The following CAPRIN1 variants were observed in gnomAD, a reference collection of about 807,000 sequenced individuals.
CAPRIN1 encodes cell cycle associated protein 1, also known as caprin-1.
CAPRIN1 carries 29 observed loss-of-function variants against 100.9 expected under a neutral mutation model. That is an observed-to-expected ratio of 0.29 (90% CI 0.21 to 0.39). CAPRIN1 has a LOEUF of 0.39. CAPRIN1 is among the 10% of genes least tolerant of loss of function. The pLI is 1.00. For synonymous variants in CAPRIN1, 338 were observed against 307.5 expected, an observed-to-expected ratio of 1.10 and a Z score of -1.04; for missense variants, 795 against 876.7, an observed-to-expected ratio of 0.91 and a Z score of 1.18.
chr11:34,089,460 A>G lies in CAPRIN1; in HGVS notation c.1293+4A>G. 6.3e-7 allele frequency: 1 copy of G among 1,579,456 alleles called. No homozygotes were observed. The highest frequency in any genetic ancestry group is 8.7e-7 in the Non-Finnish European group (1 of 1,151,414). On this transcript the variant is annotated splice_donor_region_variant and intron_variant, in intron 12 of 18. Coordinates refer to ENST00000341394, the MANE Select transcript of CAPRIN1 (RefSeq NM_005898.5). ...TGTACAACCAGAAGCGACACAGGTA[A>G]GAGTGATAAAACTATTTTCTTCAGG...
chr11:34,052,810 A>G (rs1429739738), intron 2 of CAPRIN1, 174 bp downstream of exon 2: 5 of 1,451,250 alleles, frequency 3.4e-6, no homozygotes, highest in Non-Finnish European at 3.6e-6. Flanking sequence ...CTTCGTGCCC[A>G]GAAAACGGGC....
chr11:34,060,120 T>A (rs1372429443), intron 2 of CAPRIN1, among the ~76,000 whole-genome samples: 3 of 138,658 alleles, frequency 2.2e-5, no homozygotes, highest in Non-Finnish European at 4.5e-5. Context: ...TGCTTGAACC[T>A]GGGAGGCAGA....
chr11:34,064,647 A>G (rs940628256), intron 2 of CAPRIN1, among the ~76,000 whole-genome samples: 6 of 152,216 alleles, frequency 3.9e-5, no homozygotes, highest in Non-Finnish European at 5.9e-5. Flanking sequence ...TATAGTGTAC[A>G]TTTTGGTATT....
intron 15 of CAPRIN1, among the ~76,000 whole-genome samples, chr11:34,093,732 G>A (rs939990749): frequency 2.0e-5 from 3 of 151,874 alleles, no homozygotes; most frequent in Non-Finnish European, 4.4e-5. Flanking sequence ...CTGCTTCTGG[G>A]TTCAAGGGAT....
At position 34,089,424 on chromosome 11, in the gene CAPRIN1, A is replaced by C. The variant is rs1285651678; in HGVS notation, c.1261A>C (p.Asn421His). The stretch of plus-strand genomic sequence containing the variant: ...TTCTGAATCTAGACTTGCTCAGCCT[A>C]ATCAAGTTCCTGTACAACCAGAAGC... Reference protein sequence around the residue: ...VHSESRLAQPNQVPVQPEATQ... With the variant: ...VHSESRLAQPHQVPVQPEATQ... The change falls in exon 12 of 19, where the codon AAT becomes CAT. Residue 421 changes from asparagine (N) to histidine (H), a missense_variant. By Grantham distance (68) the Asn-to-His change is moderately conservative (BLOSUM62 1). Coordinates refer to ENST00000341394, the MANE Select transcript of CAPRIN1 (RefSeq NM_005898.5). 2 of 1,608,970 alleles carry C rather than the reference A, an allele frequency of 1.2e-6. No homozygotes were observed. Among genetic ancestry groups the C allele is most frequent in the Middle Eastern group, 1.6e-4 (1 of 6,062 alleles).
intron 16 of CAPRIN1, 141 bp downstream of exon 16, chr11:34,096,814 G>T (rs924464080): frequency 1.6e-6 from 1 of 615,478 alleles, no homozygotes; most frequent in Non-Finnish European, 2.7e-6. Context: ...GTATATTTTG[G>T]TACAATTTGT....
At chr11:34,072,050 T>C in intron 4 of CAPRIN1, 63 bp downstream of exon 4, 1 of 1,061,998 alleles carries the variant, frequency 9.4e-7, no homozygotes, top group Non-Finnish European at 1.4e-6. Context: ...GTTTTAGTCC[T>C]TCCATTACTA....
intron 2 of CAPRIN1, among the ~76,000 whole-genome samples, chr11:34,064,327 C>A (rs1250959645): frequency 6.6e-6 from 1 of 152,178 alleles, no homozygotes; most frequent in Non-Finnish European, 1.5e-5. Flanking sequence ...TTAGTTCATG[C>A]TGTAAATTTT....
In CAPRIN1 at chr11:34,087,434, C is replaced by T. The variant is rs1451087953; in HGVS notation, c.1231+1021C>T. 4.1e-5 allele frequency among the ~76,000 whole-genome samples: 5 copies of T among 121,838 alleles called. 1 individual carries two copies. Among genetic ancestry groups the T allele is most frequent in the African/African-American group, 1.0e-4 (3 of 29,938 alleles). 79.9% of individuals were successfully genotyped at this position (121,838 alleles called of 152,430 possible). A position where few individuals can be genotyped will look rare whatever the true frequency, so the allele number is the denominator to read the frequency against. The stretch of plus-strand genomic sequence containing the variant: ...CTGCAAGCTCCGCCTCCCGGGTTCA[C>T]GCCATTCTCCTGCCTCAGCCTCCCA... On this transcript the variant is annotated intron_variant, in intron 11 of 18. Coordinates refer to ENST00000341394, the MANE Select transcript of CAPRIN1 (RefSeq NM_005898.5).
At chr11:34,064,764 C>T (rs1254572634) in intron 2 of CAPRIN1, among the ~76,000 whole-genome samples, 2 of 152,088 alleles carry the variant, frequency 1.3e-5, no homozygotes, top group Non-Finnish European at 2.9e-5. Context: ...TCTCACCTCT[C>T]CTTCTCAAAG....
At chr11:34,080,218 C>T (rs11032509) in intron 7 of CAPRIN1, among the ~76,000 whole-genome samples, 11,443 of 152,240 alleles carry the variant, frequency 0.075, 761 homozygotes, top group East Asian at 0.25. Context: ...CCACTGCGCC[C>T]GGCCTTGACA....
chr11:34,098,897 A>G, intron 18 of CAPRIN1: 1 of 1,002,700 alleles, frequency 1.0e-6, no homozygotes, highest in Non-Finnish European at 1.2e-6. Flanking sequence ...TTTTGATAGT[A>G]TGATGTTACT....
chr11:34,072,538 G>A (rs1008371212), intron 4 of CAPRIN1, among the ~76,000 whole-genome samples: 1 of 152,044 alleles, frequency 6.6e-6, no homozygotes, highest in Non-Finnish European at 1.5e-5. Flanking sequence ...AAAATAAAGA[G>A]GCTCGTTTAT....
intron 1 of CAPRIN1, 39 bp from the exon 2 acceptor site, chr11:34,052,382 T>C (rs1345885818): frequency 6.5e-7 from 1 of 1,548,506 alleles, no homozygotes; most frequent in Non-Finnish European, 8.9e-7. Flanking sequence ...GCTCTTGTCC[T>C]TCCTCCCGCT....
At chr11:34,053,543 G>A (rs531366764) in intron 2 of CAPRIN1, 2 of 152,074 alleles carry the variant, frequency 1.3e-5, no homozygotes, top group Non-Finnish European at 1.5e-5. Flanking sequence ...GAAAGCAGAG[G>A]GGGAGGGCAG....
chr11:34,087,201 C>A (rs1851163079), intron 11 of CAPRIN1, among the ~76,000 whole-genome samples: 3 of 152,028 alleles, frequency 2.0e-5, no homozygotes, highest in Non-Finnish European at 2.9e-5. Context: ...AATAAAATAA[C>A]CTATTTAATG....
At position 34,074,150 on chromosome 11, in the gene CAPRIN1, A is replaced by G. The variant is rs138657172; in HGVS notation, c.367-2086A>G. Among the ~76,000 whole-genome samples, 15 of 152,284 alleles carry G rather than the reference A, an allele frequency of 9.9e-5. No individual in the cohort carries two copies. The East Asian group carries it at 2.9e-3, about 29-fold the overall frequency. ...CATTCAGACCATAGCACCAAAGGAG[A>G]GATTTATTCCACTTAGCTTAATGAA... On this transcript the variant is annotated intron_variant, in intron 4 of 18. Transcript: ENST00000341394.
At chr11:34,078,810 C>T (rs990996736) in intron 6 of CAPRIN1, among the ~76,000 whole-genome samples, 5 of 152,200 alleles carry the variant, frequency 3.3e-5, no homozygotes, top group Non-Finnish European at 1.5e-5. Context: ...CCCCTCTACT[C>T]TTCTGGATTT....
chr11:34,091,765 G>C, intron 14 of CAPRIN1, 141 bp from the exon 15 acceptor site: 2 of 684,116 alleles, frequency 2.9e-6, no homozygotes, highest in South Asian at 1.9e-5. Flanking sequence ...AGGGATTTTT[G>C]TATGTGTGTG....
Sources: gnomAD v4.1 joint callset for allele counts (sites outside exome capture counted in the v4.1 genomes callset) on GRCh38, gnomAD v4.1.1 for gene constraint, MANE v1.5 for transcripts, NCBI Gene and HGNC (gene_info 2026-07-23, HGNC 2026-07-21) for gene names.